Variants in APRT observed in about 807,000 individuals in gnomAD.
The protein encoded by APRT is adenine phosphoribosyltransferase.
Under a neutral mutation model 21.0 loss-of-function variants are expected in APRT, and 25 were observed. The observed-to-expected ratio is 1.19, with a 90% CI of 0.87 to 1.66. The LOEUF is 1.66. Among genes scored for constraint, APRT ranks in the 40% most tolerant of loss-of-function variants. The probability of loss-of-function intolerance (pLI) is 0.00; values close to 1 mark genes in which losing one functional copy is unlikely to be tolerated. For synonymous variants in APRT, 153 were observed against 109.0 expected, an observed-to-expected ratio of 1.40 and a Z score of -2.52; for missense variants, 294 against 232.7, an observed-to-expected ratio of 1.26 and a Z score of -1.72.
Position 88,810,620 on chromosome 16 carries a change from G to A in APRT, c.188-64C>T, listed in dbSNP as rs8191486. 2,583 of 1,575,394 alleles carry A rather than the reference G, an allele frequency of 1.6e-3. 13 individuals are homozygous for A. The highest frequency in any genetic ancestry group is 0.012 in the Middle Eastern group (67 of 5,810). On this transcript the variant is annotated intron_variant, in intron 2 of 4. Transcript: ENST00000378364. ...GAATCCCCAGGGGCCAGGGTTGGCC[G>A]GTGGCAAGGGGTACCTGGTTGGCTC...
Position 88,809,505 on chromosome 16 carries a change from T to TGTAA in APRT, c.*189_*192dup. On this transcript the variant is annotated 3_prime_UTR_variant, in exon 5 of 5. Transcript: ENST00000378364. ...CTGTTTACTGCGTTCTCCCGCTGTG[T>TGTAA]GTAATTGGGTTCAGTGTGGCTGAAA... 3 of 853,092 alleles carry TGTAA rather than the reference T, an allele frequency of 3.5e-6. 1 individual carries two copies. The highest frequency in any genetic ancestry group is 1.7e-5 in the African/African-American group (1 of 59,988). 52.8% of individuals were successfully genotyped at this position (853,092 alleles called of 1,614,324 possible). A position where few individuals can be genotyped will look rare whatever the true frequency, so the allele number is the denominator to read the frequency against.
Position 88,811,809 on chromosome 16 carries a change from T to C in APRT, c.80+11A>G. On this transcript the variant is annotated intron_variant, in intron 1 of 4. Transcript: ENST00000378364. ...AGGTCGGGGCGCCACGAGGGCGGCC[T>C]GTGCGTGCACCTGAATACCACGCCT... 6.4e-7 allele frequency: 1 copy of C among 1,557,894 alleles called. No individual in the cohort carries two copies. The highest frequency in any genetic ancestry group is 2.4e-5 in the East Asian group (1 of 41,506).
In APRT at chr16:88,809,668, C is replaced by G; in HGVS notation, c.*30G>C. 1 of 1,613,066 alleles carries G rather than the reference C, an allele frequency of 6.2e-7. No homozygotes were observed. The highest frequency in any genetic ancestry group is 8.5e-7 in the Non-Finnish European group (1 of 1,179,932). On this transcript the variant is annotated 3_prime_UTR_variant, in exon 5 of 5. Coordinates refer to ENST00000378364, the MANE Select transcript of APRT (RefSeq NM_000485.3). Reference sequence around the variant, plus strand: ...AGGCTGATATTTCCCTGGGATCCAGCTGGAGATGTTGGGCTGGGAGGCCCT... The same window carrying G: ...AGGCTGATATTTCCCTGGGATCCAGGTGGAGATGTTGGGCTGGGAGGCCCT...
rs866574320 is a variant in APRT at position 88,810,406 on chromosome 16, C to T, written c.321+17G>A. On this transcript the variant is annotated intron_variant, in intron 3 of 4. Transcript: ENST00000378364. ...GGCCTGGCCCTGCCCTTCCTCTGGCCACCCCAGCCCTCTTACCTTCCCGTA... is the reference window on the plus strand; with the variant it reads ...GGCCTGGCCCTGCCCTTCCTCTGGCTACCCCAGCCCTCTTACCTTCCCGTA... The T allele has an allele frequency of 9.3e-6, 15 of 1,610,846 alleles. No individual in the cohort carries two copies. Among genetic ancestry groups the T allele is most frequent in the Middle Eastern group, 1.6e-4 (1 of 6,068 alleles).
rs369681854 is a variant in APRT, at chr16:88,810,545, G to A, written c.199C>T (p.Arg67Ter). The part of the protein sequence containing the change: ...RIDYIAGLDS[R>*]GFLFGPSLAQ... Reference sequence around the variant, plus strand: ...AGGGAGGGGCCAAAGAGGAAGCCTCGGGAGTCTAGGCCTGTCAGGGTAAGT... The same window carrying A: ...AGGGAGGGGCCAAAGAGGAAGCCTCAGGAGTCTAGGCCTGTCAGGGTAAGT... Residue 67 changes from arginine to a stop codon, truncating the protein, a stop_gained, in exon 3 of 5, where the codon CGA (arginine) becomes TGA (stop). Coordinates refer to ENST00000378364, the MANE Select transcript of APRT (RefSeq NM_000485.3). LOFTEE classifies it high-confidence loss of function. 1.1e-5 allele frequency: 18 copies of A among 1,611,490 alleles called. No homozygotes were observed. The highest frequency in any genetic ancestry group is 2.2e-5 in the East Asian group (1 of 44,858).
intron 2 of APRT, 116 bp from the exon 3 acceptor site, chr16:88,810,672 C>T (rs1327163111): frequency 1.5e-6 from 2 of 1,342,550 alleles, no homozygotes; most frequent in African/African-American, 2.9e-5. Flanking sequence ...TGACATGCAC[C>T]ATTTAAGGAA....
At position 88,809,585 on chromosome 16, in the gene APRT, C is replaced by G. The variant is rs1456813337; in HGVS notation, c.*113G>C. On this transcript the variant is annotated 3_prime_UTR_variant, in exon 5 of 5. Transcript: ENST00000378364. ...CAGCCCCAGGAGAGGCGCTGAACCC[C>G]AGCAAAGGAATGTGTTCCCTGTGGG... 2 of 1,534,670 alleles carry G rather than the reference C, an allele frequency of 1.3e-6. No homozygotes were observed. Among genetic ancestry groups the G allele is most frequent in the South Asian group, 2.3e-5 (2 of 88,374 alleles).
chr16:88,811,745 C>G, intron 1 of APRT, 75 bp downstream of exon 1: 5 of 1,502,418 alleles, frequency 3.3e-6, no homozygotes, highest in Non-Finnish European at 4.5e-6. Flanking sequence ...CCCGCCCGCC[C>G]GGAGGTCGCG....
Position 88,809,641 on chromosome 16 carries a change from C to G in APRT, c.*57G>C, listed in dbSNP as rs931740936. 6.2e-6 allele frequency: 10 copies of G among 1,611,298 alleles called. No individual in the cohort carries two copies. In the African/African-American group the frequency reaches 1.1e-4, roughly 17 times the overall value. On this transcript the variant is annotated 3_prime_UTR_variant, in exon 5 of 5. Transcript: ENST00000378364. Reference sequence around the variant, plus strand: ...GGTGCCCCTGGTCACTGCAGTTGCCCAAGGCTGATATTTCCCTGGGATCCA... The same window carrying G: ...GGTGCCCCTGGTCACTGCAGTTGCCGAAGGCTGATATTTCCCTGGGATCCA...
In APRT at chr16:88,809,727, G is replaced by T. The variant is rs781239221; in HGVS notation, c.514C>A (p.Pro172Thr). Reference protein sequence around the residue: ...LKGREKLAPVPFFSLLQYE With the variant: ...LKGREKLAPVTFFSLLQYE ...TCATACTGCAGGAGAGAGAAGAAGG[G>T]TACAGGTGCCAGCTTCTCCCTGCCC... Residue 172 changes from proline (P) to threonine (T), a missense_variant, in exon 5 of 5, where the codon CCC becomes ACC. Coordinates refer to ENST00000378364, the MANE Select transcript of APRT (RefSeq NM_000485.3). 1 of 1,613,286 alleles carries T rather than the reference G, an allele frequency of 6.2e-7. No individual in the cohort carries two copies.
At chr16:88,811,521 C>A in intron 2 of APRT, 29 bp downstream of exon 2, 6 of 1,553,908 alleles carry the variant, frequency 3.9e-6, no homozygotes, top group Non-Finnish European at 5.2e-6. Context: ...GAGGCGGAAG[C>A]GCCCTAGATG....
At chr16:88,811,508 G>A (rs1289071553) in intron 2 of APRT, 42 bp downstream of exon 2, 1 of 1,531,670 alleles carries the variant, frequency 6.5e-7, no homozygotes, top group South Asian at 1.2e-5. Flanking sequence ...CTCGGCGCGC[G>A]CAGAGGCGGA....
Position 88,810,564 on chromosome 16 carries a change from G to A in APRT, c.188-8C>T. 2 of 1,610,608 alleles carry A rather than the reference G, an allele frequency of 1.2e-6. No individual in the cohort carries two copies. Among genetic ancestry groups the A allele is most frequent in the Non-Finnish European group, 1.7e-6 (2 of 1,179,380 alleles). Reference sequence around the variant, plus strand: ...AGCCTCGGGAGTCTAGGCCTGTCAGGGTAAGTGACAGGAGTGACTCGGCAG... The same window carrying A: ...AGCCTCGGGAGTCTAGGCCTGTCAGAGTAAGTGACAGGAGTGACTCGGCAG... On this transcript the variant is annotated splice_polypyrimidine_tract_variant and splice_region_variant and intron_variant, in intron 2 of 4. Coordinates refer to ENST00000378364, the MANE Select transcript of APRT (RefSeq NM_000485.3).
Position 88,811,632 on chromosome 16 carries a change from G to A in APRT, c.105C>T (p.Asp35=), listed in dbSNP as rs1391701358. The change falls in exon 2 of 5, where the codon GAC becomes GAT. Residue 35 remains aspartate, a synonymous_variant. Transcript: ENST00000378364. ...CGATGGCGGCGCGGAAGGAGGCGGGGTCCTTCAGGACGGGCGAGATGTCCC... is the reference window on the plus strand; with the variant it reads ...CGATGGCGGCGCGGAAGGAGGCGGGATCCTTCAGGACGGGCGAGATGTCCC... ...VFRDISPVLK[D]PASFRAAIGL... is the part of the protein sequence containing the mutation. The A allele has an allele frequency of 1.2e-6, 2 of 1,600,788 alleles. No homozygotes were observed. Among genetic ancestry groups the A allele is most frequent in the South Asian group, 1.1e-5 (1 of 89,026 alleles).
chr16:88,810,327 T>C, intron 3 of APRT, 96 bp downstream of exon 3: 1 of 1,563,668 alleles, frequency 6.4e-7, no homozygotes, highest in African/African-American at 1.4e-5. Context: ...CCACAGCAGC[T>C]CCACTTGACA....
rs778979771 is a variant in APRT at position 88,810,503 on chromosome 16, G to C, written c.241C>G (p.Leu81Val). 1.2e-6 allele frequency: 2 copies of C among 1,612,360 alleles called. No individual in the cohort carries two copies. The highest frequency in any genetic ancestry group is 1.7e-5 in the Admixed American group (1 of 60,022). ...CGCTTTCGGATGAGCACGCAGCCCA[G>C]TCCAAGCTCCTGGGCCAGGGAGGGG... is the stretch of plus-strand genomic sequence containing the variant. ...FGPSLAQELG[L>V]GCVLIRKRGK... The change falls in exon 3 of 5, where the codon CTG becomes GTG. Residue 81 changes from leucine to valine, a missense_variant. Coordinates refer to ENST00000378364, the MANE Select transcript of APRT (RefSeq NM_000485.3).
At position 88,811,813 on chromosome 16, in the gene APRT, C is replaced by T; in HGVS notation, c.80+7G>A. The T allele has an allele frequency of 6.4e-7, 1 of 1,561,992 alleles. No individual in the cohort carries two copies. Among genetic ancestry groups the T allele is most frequent in the South Asian group, 1.2e-5 (1 of 85,002 alleles). Reference sequence around the variant, plus strand: ...CGGGGCGCCACGAGGGCGGCCTGTGCGTGCACCTGAATACCACGCCTGGGG... The same window carrying T: ...CGGGGCGCCACGAGGGCGGCCTGTGTGTGCACCTGAATACCACGCCTGGGG... On this transcript the variant is annotated splice_region_variant and intron_variant, in intron 1 of 4. Transcript: ENST00000378364.
In APRT at chr16:88,811,914, A is replaced by G; in HGVS notation, c.-15T>C. ...GAGTCGGCCATGGCCGCGTGCGAAG[A>G]GCCAGCGGCAGCCCGAGCGCGCCTG... On this transcript the variant is annotated 5_prime_UTR_variant, in exon 1 of 5. Transcript: ENST00000378364. 1 of 1,538,724 alleles carries G rather than the reference A, an allele frequency of 6.5e-7. No individual in the cohort carries two copies. The highest frequency in any genetic ancestry group is 1.4e-5 in the African/African-American group (1 of 72,342).
rs1221086526 is a variant in APRT, at chr16:88,810,131, C to T, written c.339G>A (p.Gln113=). Residue 113 remains glutamine (Q), a synonymous_variant, in exon 4 of 5, where the codon CAG becomes CAA. Transcript: ENST00000378364. ...LEYGKAELEI[Q]KDALEPGQRV... ...TCTGTCCTGGCTCCAGGGCGTCTTT[C>T]TGAATCTCCAGCTCAGCCTGGAGTG... The T allele has an allele frequency of 6.2e-6, 10 of 1,613,258 alleles. No homozygotes were observed. In the East Asian group the frequency reaches 2.0e-4, roughly 32 times the overall value.
Sources: gnomAD v4.1 joint callset for allele counts on GRCh38, gnomAD v4.1.1 for gene constraint, MANE v1.5 for transcripts, NCBI Gene and HGNC (gene_info 2026-07-23, HGNC 2026-07-21) for gene names.